SIPA1L2: variants seen among roughly 807,000 people sequenced by gnomAD.
SIPA1L2 encodes the protein signal induced proliferation associated 1 like 2, also known as signal-induced proliferation-associated 1-like protein 2.
Under a neutral mutation model 163.9 loss-of-function variants are expected in SIPA1L2, and 56 were observed. The ratio of observed to expected loss-of-function variants is 0.34; its 90% CI spans 0.28 to 0.43. The LOEUF (loss-of-function observed/expected upper bound fraction) is 0.43, where lower values mean the gene tolerates loss of function less well. Ranked by LOEUF, SIPA1L2 falls within the 20% of genes least tolerant of loss-of-function variation. The pLI is 1.00. For synonymous variants in SIPA1L2, 877 were observed against 865.7 expected (o/e 1.01, Z -0.23); for missense variants, 1,974 against 2,193.5 (o/e 0.90, Z 2.00).
At chr1:232,617,677 T>C (rs1158674824) in intron 1 of SIPA1L2, among the ~76,000 whole-genome samples, 1 of 149,190 alleles carries the variant, frequency 6.7e-6, no homozygotes, top group Non-Finnish European at 1.5e-5. Context: ...CAGATAAAGG[T>C]GGGAAACAAA....
Position 232,514,775 on chromosome 1 carries a change from G to T in SIPA1L2, c.565C>A (p.His189Asn). Residue 189 changes from histidine to asparagine, a missense_variant, in exon 3 of 23, where the codon CAC (histidine) becomes AAC (asparagine). Physicochemically the swap from His to Asn is moderately conservative, Grantham distance 68. This residue lies in a region of SIPA1L2 where 607 missense variants were observed against 624.0 expected (regional missense o/e 0.97). Coordinates refer to ENST00000674635, the MANE Select transcript of SIPA1L2 (RefSeq NM_020808.5). ...AVNPNTGAALHREYGSTSSID... is the reference protein window; with the variant it reads ...AVNPNTGAALNREYGSTSSID... ...GATGAAGTACTTCCATACTCCCTGT[G>T]CAGGGCAGCCCCGGTGTTGGGGTTG... is the stretch of plus-strand genomic sequence containing the variant. The T allele has an allele frequency of 6.2e-7, 1 of 1,614,210 alleles. No individual in the cohort carries two copies. The highest frequency in any genetic ancestry group is 8.5e-7 in the Non-Finnish European group (1 of 1,180,036).
intron 1 of SIPA1L2, among the ~76,000 whole-genome samples, chr1:232,603,287 G>A (rs1231896563): frequency 2.0e-5 from 3 of 152,190 alleles, no homozygotes; most frequent in Non-Finnish European, 4.4e-5. Context: ...GCTGGAGAAA[G>A]GCCAGACAGG....
At chr1:232,556,885 A>T (rs1033706938) in intron 2 of SIPA1L2, among the ~76,000 whole-genome samples, 22 of 152,218 alleles carry the variant, frequency 1.4e-4, no homozygotes, top group African/African-American at 5.3e-4. Context: ...CAAAATCTCA[A>T]GGATTTTGCA....
At chr1:232,493,301 T>C (rs1666025241) in intron 4 of SIPA1L2, among the ~76,000 whole-genome samples, 1 of 152,206 alleles carries the variant, frequency 6.6e-6, no homozygotes, top group South Asian at 2.1e-4. Flanking sequence ...TGGTTCTTTA[T>C]AGTAGTGTGA....
rs957687831 is a variant in SIPA1L2, at chr1:232,398,258, G to A, written c.*869C>T. On this transcript the variant is annotated 3_prime_UTR_variant, in exon 23 of 23. Transcript: ENST00000674635. ...GTTAAATACAAGACACTTCATCAAA[G>A]CTTCTGTACAAAGATAAACAAATCT... is the stretch of plus-strand genomic sequence containing the variant. The A allele has an allele frequency of 1.3e-5, 2 of 152,556 alleles. No individual in the cohort carries two copies. The highest frequency in any genetic ancestry group is 4.8e-5 in the African/African-American group (2 of 41,412). The allele number at this position is 152,556 out of a possible 1,614,324, so 9.5% of individuals were successfully genotyped here.
chr1:232,426,475 A>G (rs1222244485), intron 17 of SIPA1L2, among the ~76,000 whole-genome samples: 1 of 152,138 alleles, frequency 6.6e-6, no homozygotes, highest in African/African-American at 2.4e-5. Flanking sequence ...TCTGGCTAAC[A>G]TGGTAAAACC....
chr1:232,590,379 A>C (rs1476180289), intron 1 of SIPA1L2, among the ~76,000 whole-genome samples: 1 of 152,240 alleles, frequency 6.6e-6, no homozygotes, highest in Non-Finnish European at 1.5e-5. Flanking sequence ...CTTGAGTCTG[A>C]AGAAAGTAAA....
In SIPA1L2 at chr1:232,603,052, T is replaced by C. The variant is rs540910364; in HGVS notation, c.-319+26817A>G. 1.5e-4 allele frequency among the ~76,000 whole-genome samples: 23 copies of C among 152,260 alleles called. No individual in the cohort carries two copies. In the South Asian group the frequency reaches 4.2e-3, roughly 27 times the overall value. On this transcript the variant is annotated intron_variant, in intron 1 of 22. Coordinates refer to ENST00000674635, the MANE Select transcript of SIPA1L2 (RefSeq NM_020808.5). The stretch of plus-strand genomic sequence containing the variant: ...AAGACAGATTCGAAGGCATTTCTGA[T>C]GCAGAATTAGCGGATGCTGGTGACC...
At chr1:232,545,817 T>C (rs1657997414) in intron 2 of SIPA1L2, among the ~76,000 whole-genome samples, 1 of 152,244 alleles carries the variant, frequency 6.6e-6, no homozygotes, top group Non-Finnish European at 1.5e-5. Flanking sequence ...TTTCAATTAA[T>C]GTATTAATAA....
intron 16 of SIPA1L2, among the ~76,000 whole-genome samples, chr1:232,430,832 T>G (rs1383233329): frequency 1.3e-5 from 2 of 152,182 alleles, no homozygotes; most frequent in African/African-American, 4.8e-5. Flanking sequence ...CAAGAGCATG[T>G]GTGGGGACTG....
Position 232,465,258 on chromosome 1 carries a change from G to A in SIPA1L2, c.2402C>T (p.Ala801Val). 6.2e-7 allele frequency: 1 copy of A among 1,614,142 alleles called. No individual in the cohort carries two copies. The highest frequency in any genetic ancestry group is 8.5e-7 in the Non-Finnish European group (1 of 1,180,032). ...AHKSEKFRAM[A>V]TRTRQEYLKD... ...CAAGTACTCCTGCCTCGTTCGAGTG[G>A]CCATTGCTCGAAACTTTTCTGATTT... The change falls in exon 9 of 23, where the codon GCC becomes GTC. Residue 801 changes from alanine to valine, a missense_variant. Physicochemically the swap from Ala to Val is moderately conservative, Grantham distance 64. Transcript: ENST00000674635. The surrounding 1 kb of genome is among the most constrained non-coding windows in gnomAD (Gnocchi z 4.1).
chr1:232,604,749 G>C (rs1047804462), intron 1 of SIPA1L2, among the ~76,000 whole-genome samples: 3 of 152,146 alleles, frequency 2.0e-5, no homozygotes, highest in African/African-American at 7.2e-5. Flanking sequence ...CAGCCTCCTA[G>C]TACTATCTCA....
intron 19 of SIPA1L2, among the ~76,000 whole-genome samples, chr1:232,410,527 G>A (rs1346442751): frequency 6.6e-6 from 1 of 151,064 alleles, no homozygotes; most frequent in Non-Finnish European, 1.5e-5. Flanking sequence ...ATGCAAGAAG[G>A]CTGCTTCTGA....
At position 232,538,673 on chromosome 1, in the gene SIPA1L2, G is replaced by A. The variant is rs142581882; in HGVS notation, c.-269-23065C>T. ...ATAATCTTAAAGTCCCCCAGGCTTA[G>A]TGTTTTGTGACCCCCCCTCCCCCAC... On this transcript the variant is annotated intron_variant, in intron 2 of 22. Coordinates refer to ENST00000674635, the MANE Select transcript of SIPA1L2 (RefSeq NM_020808.5). Among the ~76,000 whole-genome samples the A allele has an allele frequency of 1.8e-3, 264 of 149,652 alleles. 1 individual carries two copies. Among genetic ancestry groups the A allele is most frequent in the African/African-American group, 6.2e-3 (247 of 39,880 alleles).
chr1:232,529,371 T>C (rs528484043), intron 2 of SIPA1L2, among the ~76,000 whole-genome samples: 12 of 152,368 alleles, frequency 7.9e-5, no homozygotes, highest in African/African-American at 2.4e-4. Context: ...TCCTTTACTA[T>C]GTAACGGTAT....
chr1:232,570,660 T>C lies in SIPA1L2; in HGVS notation c.-270+3514A>G, dbSNP rs182543496. On this transcript the variant is annotated intron_variant, in intron 2 of 22. Transcript: ENST00000674635. ...GACTACCTGGGACACAGTAGCTTAT[T>C]CAAGGAAGCACACCTTTACTTTCCT... Among the ~76,000 whole-genome samples, 117 of 152,284 alleles carry C rather than the reference T, an allele frequency of 7.7e-4. 2 individuals are homozygous for C. Among genetic ancestry groups the C allele is most frequent in the Non-Finnish European group, 1.3e-3 (86 of 68,018 alleles).
chr1:232,616,209 T>G (rs1283806765), intron 1 of SIPA1L2, among the ~76,000 whole-genome samples: 1 of 152,126 alleles, frequency 6.6e-6, no homozygotes, highest in Non-Finnish European at 1.5e-5. Flanking sequence ...TATCCTACAG[T>G]AGAGAGGAAT....
Position 232,465,326 on chromosome 1 carries a change from G to A in SIPA1L2, c.2334C>T (p.Asp778=), listed in dbSNP as rs1664450012. 6.2e-7 allele frequency: 1 copy of A among 1,614,054 alleles called. No individual in the cohort carries two copies. Among genetic ancestry groups the A allele is most frequent in the African/African-American group, 1.3e-5 (1 of 74,918 alleles). ...VTFPKSAVFR[D]FLLAKVINAE... ...CATTGATTACTTTGGCTAAAAGGAA[G>A]TCCCGGAACACGGCTGACTTTGGAA... Residue 778 remains aspartate, a synonymous_variant, in exon 9 of 23, where the codon GAC becomes GAT. Coordinates refer to ENST00000674635, the MANE Select transcript of SIPA1L2 (RefSeq NM_020808.5). The surrounding 1 kb of genome is among the most constrained non-coding windows in gnomAD (Gnocchi z 4.1).
intron 7 of SIPA1L2, among the ~76,000 whole-genome samples, chr1:232,476,598 T>A (rs1354219475): frequency 1.3e-5 from 2 of 152,136 alleles, no homozygotes; most frequent in African/African-American, 4.8e-5. Context: ...GTGGATGGAC[T>A]GCCAGACAGA....
Sources: allele counts gnomAD v4.1 joint callset (sites outside exome capture counted in the v4.1 genomes callset), GRCh38; gene constraint gnomAD v4.1.1; regional missense constraint gnomAD v4.1.1; non-coding constraint Gnocchi (gnomAD v3.1); transcripts MANE v1.5; gene names NCBI Gene and HGNC (gene_info 2026-07-23, HGNC 2026-07-21).